Variants in AGT observed in about 807,000 individuals in gnomAD.
The protein encoded by AGT is angiotensinogen.
AGT carries 26 observed loss-of-function variants against 28.1 expected under a neutral mutation model. The ratio of observed to expected loss-of-function variants is 0.92; its 90% CI spans 0.68 to 1.28. The LOEUF (loss-of-function observed/expected upper bound fraction) is 1.28. Among genes scored for constraint, AGT ranks in the 50% most tolerant of loss-of-function variants. The pLI is 0.00. For missense variants in AGT, 596 were observed against 592.3 expected, an observed-to-expected ratio of 1.01 and a Z score of -0.06; for synonymous variants, 259 against 259.6, an observed-to-expected ratio of 1.00 and a Z score of 0.02.
Position 230,704,747 on chromosome 1 carries a change from C to T in AGT, c.1098-410G>A, listed in dbSNP as rs75271175. Among the ~76,000 whole-genome samples the T allele has an allele frequency of 5.6e-3, 860 of 152,320 alleles. 8 individuals are homozygous for T. Among genetic ancestry groups the T allele is most frequent in the African/African-American group, 0.02 (826 of 41,574 alleles). On this transcript the variant is annotated intron_variant, in intron 3 of 4. Transcript: ENST00000366667. ...TGAAAAGGAGAGAGGCAGGAGGGTACAGTGTCAACCTCGTGCTGGACACGT... is the reference window on the plus strand; with the variant it reads ...TGAAAAGGAGAGAGGCAGGAGGGTATAGTGTCAACCTCGTGCTGGACACGT...
At chr1:230,719,373 C>A (rs1351913211), upstream of AGT, among the ~76,000 whole-genome samples, 1 of 144,844 alleles carries the variant, frequency 6.9e-6, no homozygotes, top group African/African-American at 2.6e-5. Flanking sequence ...CAGCACATTT[C>A]TTTCTATTTT....
chr1:230,744,913 A>T (rs1007123670), intron 1 of AGT, among the ~76,000 whole-genome samples: 4 of 152,182 alleles, frequency 2.6e-5, no homozygotes, highest in African/African-American at 9.7e-5. Context: ...CTGGGCTGGT[A>T]ATCATTTCCC....
chr1:230,729,156 C>T (rs1181104256), intron 1 of AGT, among the ~76,000 whole-genome samples: 1 of 152,178 alleles, frequency 6.6e-6, no homozygotes, highest in Non-Finnish European at 1.5e-5. Flanking sequence ...CACCATCTGC[C>T]ATGCAGGGCA....
chr1:230,743,053 C>G (rs4097333), intron 1 of AGT, among the ~76,000 whole-genome samples: 28,352 of 152,074 alleles, frequency 0.19, 3,286 homozygotes, highest in African/African-American at 0.33. Context: ...TGCCGTGGCT[C>G]GATCTCGGCT....
At chr1:230,716,534 C>A (rs1663741442), upstream of AGT, among the ~76,000 whole-genome samples, 1 of 152,156 alleles carries the variant, frequency 6.6e-6, no homozygotes, top group African/African-American at 2.4e-5. Flanking sequence ...GGGAGGGACC[C>A]AGTGGGAGGT....
intron 1 of AGT, 31 bp downstream of exon 1, chr1:230,714,055 C>G (rs1468319751): frequency 6.6e-6 from 1 of 152,144 alleles, no homozygotes; most frequent in Non-Finnish European, 1.5e-5. Flanking sequence ...GAGACAAGAC[C>G]GAGAAGGAGC....
At chr1:230,727,477 A>G (rs189537090) in intron 1 of AGT, among the ~76,000 whole-genome samples, 45 of 152,378 alleles carry the variant, frequency 3.0e-4, no homozygotes, top group African/African-American at 1.0e-3. Flanking sequence ...CTGCAGTTAC[A>G]GAGGAGATTA....
At chr1:230,704,436 A>T in intron 3 of AGT, 99 bp from the exon 4 acceptor site, 2 of 1,468,164 alleles carry the variant, frequency 1.4e-6, no homozygotes, top group Non-Finnish European at 9.3e-7. Flanking sequence ...AACCCTGACG[A>T]CAGGGATGTT....
chr1:230,726,185 T>C (rs1006243582), intron 1 of AGT, among the ~76,000 whole-genome samples: 2 of 152,200 alleles, frequency 1.3e-5, no homozygotes, highest in African/African-American at 4.8e-5. Context: ...AAACAAGTTA[T>C]TGATGACTAT....
At chr1:230,712,129 C>T (rs557451525) in intron 1 of AGT, among the ~76,000 whole-genome samples, 4 of 152,280 alleles carry the variant, frequency 2.6e-5, no homozygotes, top group East Asian at 3.9e-4. Context: ...ACTGCAATAT[C>T]GTCACTTCTT....
chr1:230,729,468 G>A (rs1050284095), intron 1 of AGT, among the ~76,000 whole-genome samples: 1 of 152,140 alleles, frequency 6.6e-6, no homozygotes, highest in African/African-American at 2.4e-5. Flanking sequence ...TAACATTTTT[G>A]TGAAGATCAG....
At chr1:230,719,791 T>A (rs1442514871) in intron 1 of AGT, among the ~76,000 whole-genome samples, 2 of 152,178 alleles carry the variant, frequency 1.3e-5, no homozygotes. Context: ...AAATGAGTCG[T>A]TTACCTCTAT....
intron 1 of AGT, among the ~76,000 whole-genome samples, chr1:230,740,512 T>A (rs1009982047): frequency 1.3e-5 from 2 of 152,138 alleles, no homozygotes; most frequent in African/African-American, 4.8e-5. Flanking sequence ...AACTGCTAGT[T>A]TACAGAGACA....
At chr1:230,713,948 G>A (rs3789679) in intron 1 of AGT, 138 bp downstream of exon 1, 16,871 of 152,200 alleles carry the variant, frequency 0.11, 1,234 homozygotes, top group East Asian at 0.35. Flanking sequence ...GCCCGCGTCC[G>A]GATGACTGGT....
intron 1 of AGT, among the ~76,000 whole-genome samples, chr1:230,728,287 G>A (rs2102801450): frequency 6.6e-6 from 1 of 152,310 alleles, no homozygotes; most frequent in South Asian, 2.1e-4. Flanking sequence ...AACGGCTGGT[G>A]ATTGCTTAAC....
chr1:230,710,140 G>A lies in AGT; in HGVS notation c.684C>T (p.Arg228=), dbSNP rs200634705. ...CATCCAGTTCTGTGAAGTCCAGAGA[G>A]CGTGGGAGGACCACAGGGGTATAGA... ...LALYTPVVLP[R]SLDFTELDVA... Residue 228 remains arginine, a synonymous_variant, in exon 2 of 5, where the codon CGC becomes CGT. Coordinates refer to ENST00000366667, the MANE Select transcript of AGT (RefSeq NM_001384479.1). 122 of 1,614,204 alleles carry A rather than the reference G, an allele frequency of 7.6e-5. No individual in the cohort carries two copies. Among genetic ancestry groups the A allele is most frequent in the Middle Eastern group, 1.6e-4 (1 of 6,062 alleles).
At chr1:230,707,639 C>T (rs907914860) in intron 2 of AGT, among the ~76,000 whole-genome samples, 1 of 152,222 alleles carries the variant, frequency 6.6e-6, no homozygotes, top group Non-Finnish European at 1.5e-5. Context: ...TGCACGTTCC[C>T]TGCAGGGACC....
intron 1 of AGT, among the ~76,000 whole-genome samples, chr1:230,711,974 A>AC (rs1190008049): frequency 5.9e-5 from 9 of 151,830 alleles, no homozygotes; most frequent in Non-Finnish European, 7.4e-5. Flanking sequence ...CTACCCTGAG[A>AC]CCCCCAGAAG....
upstream of AGT, among the ~76,000 whole-genome samples, chr1:230,717,858 A>G (rs146283276): frequency 4.5e-4 from 69 of 152,168 alleles, no homozygotes; most frequent in Non-Finnish European, 6.6e-4. Context: ...AGAACACTCA[A>G]ATACAAACAG....
Sources: gnomAD v4.1 joint callset for allele counts (sites outside exome capture counted in the v4.1 genomes callset) on GRCh38, gnomAD v4.1.1 for gene constraint, MANE v1.5 for transcripts, NCBI Gene and HGNC (gene_info 2026-07-23, HGNC 2026-07-21) for gene names.